ETFBKMT: variants seen among roughly 807,000 people sequenced by gnomAD.
The protein encoded by ETFBKMT is electron transfer flavoprotein beta subunit lysine methyltransferase.
Under a neutral mutation model 18.3 loss-of-function variants are expected in ETFBKMT, and 13 were observed. The ratio of observed to expected loss-of-function variants is 0.71; its 90% CI spans 0.46 to 1.13. The LOEUF (loss-of-function observed/expected upper bound fraction) is 1.13. Among genes scored for constraint, ETFBKMT ranks in the 50% most tolerant of loss-of-function variants. The pLI, the probability that ETFBKMT is intolerant of heterozygous loss-of-function variation, is 0.00. For missense variants in ETFBKMT, 293 were observed against 306.2 expected, an observed-to-expected ratio of 0.96 and a Z score of 0.32; for synonymous variants, 84 against 107.9, an observed-to-expected ratio of 0.78 and a Z score of 1.37.
intron 2 of ETFBKMT, among the ~76,000 whole-genome samples, chr12:31,663,832 C>G (rs985067738): frequency 1.3e-5 from 2 of 149,068 alleles, no homozygotes; most frequent in Non-Finnish European, 3.0e-5. Flanking sequence ...GTGCCTAAAC[C>G]GCACTTTATT....
At position 31,661,921 on chromosome 12, in the gene ETFBKMT, C is replaced by T. The variant is rs772300273; in HGVS notation, c.-33C>T. 6 of 1,598,944 alleles carry T rather than the reference C, an allele frequency of 3.8e-6. No homozygotes were observed. The highest frequency in any genetic ancestry group is 5.1e-6 in the Non-Finnish European group (6 of 1,169,944). ...TGAGAAGCAGCTATTATCAACAGAACATTGACAGAACCTGTGTTTGGGGAA... is the reference window on the plus strand; with the variant it reads ...TGAGAAGCAGCTATTATCAACAGAATATTGACAGAACCTGTGTTTGGGGAA... On this transcript the variant is annotated 5_prime_UTR_variant, in exon 2 of 4. Transcript: ENST00000357721.
At position 31,670,235 on chromosome 12, in the gene ETFBKMT, T is replaced by C. The variant is rs879103575; in HGVS notation, c.*2245T>C. The C allele has an allele frequency of 6.6e-6, 1 of 152,234 alleles. No homozygotes were observed. The highest frequency in any genetic ancestry group is 2.1e-4 in the South Asian group (1 of 4,824). The allele number at this position is 152,234 out of a possible 1,614,324, so 9.4% of individuals were successfully genotyped here. On this transcript the variant is annotated 3_prime_UTR_variant, in exon 4 of 4. Coordinates refer to ENST00000357721, the MANE Select transcript of ETFBKMT (RefSeq NM_001135863.2). ...CATAAATGTTCCTATTGGTACTGGC[T>C]CCAGCAACAGGCTTCTGCTCCCTGT...
At chr12:31,658,844 T>C (rs1260469025), upstream of ETFBKMT, among the ~76,000 whole-genome samples, 1 of 152,078 alleles carries the variant, frequency 6.6e-6, no homozygotes, top group Admixed American at 6.6e-5. Context: ...CTAGTGAATT[T>C]ATGAATTATT....
At chr12:31,665,838 T>C (rs1951186984) in intron 2 of ETFBKMT, among the ~76,000 whole-genome samples, 1 of 152,366 alleles carries the variant, frequency 6.6e-6, no homozygotes, top group East Asian at 1.9e-4. Flanking sequence ...CCCATGCTAT[T>C]GTTTGTGGTT....
intron 2 of ETFBKMT, among the ~76,000 whole-genome samples, chr12:31,665,684 CAGCA>C (rs2139628248): frequency 6.6e-6 from 1 of 152,256 alleles, no homozygotes; most frequent in Non-Finnish European, 1.5e-5. Context: ...TGTTTATTAA[CAGCA>C]AGCCAGTCAT....
chr12:31,667,986 C>G lies in ETFBKMT; in HGVS notation c.785C>G (p.Pro262Arg). Residue 262 changes from proline (P) to arginine (R), a missense_variant, in exon 4 of 4, where the codon CCT becomes CGT. Physicochemically the swap from Pro to Arg is moderately radical, Grantham distance 103. Transcript: ENST00000357721. Reference sequence around the variant, plus strand: ...ACAAGCACAGTGTGGGGTTTTCAGCCTTGAGTTGTCAAAGTGCTTCCAAGT... The same window carrying G: ...ACAAGCACAGTGTGGGGTTTTCAGCGTTGAGTTGTCAAAGTGCTTCCAAGT... ...LTTSTVWGFQ[P>R] 1 of 1,609,188 alleles carries G rather than the reference C, an allele frequency of 6.2e-7. No homozygotes were observed. Among genetic ancestry groups the G allele is most frequent in the Non-Finnish European group, 8.5e-7 (1 of 1,176,680 alleles).
chr12:31,656,651 TAA>T (rs1951064601), upstream of ETFBKMT, among the ~76,000 whole-genome samples: 1 of 152,210 alleles, frequency 6.6e-6, no homozygotes, highest in Non-Finnish European at 1.5e-5. Context: ...CAAGTCCTGC[TAA>T]TAGCTCATCC....
At chr12:31,658,992 G>C (rs1252566650), upstream of ETFBKMT, among the ~76,000 whole-genome samples, 1 of 149,790 alleles carries the variant, frequency 6.7e-6, no homozygotes, top group African/African-American at 2.5e-5. Flanking sequence ...CCGGTGCCTG[G>C]AAGTGCGACT....
In ETFBKMT at chr12:31,668,247, A is replaced by G; in HGVS notation, c.*257A>G. The G allele has an allele frequency of 2.7e-6, 1 of 375,770 alleles. No individual in the cohort carries two copies. Among genetic ancestry groups the G allele is most frequent in the Non-Finnish European group, 4.8e-6 (1 of 209,978 alleles). The allele number at this position is 375,770 out of a possible 1,614,324, so 23.3% of individuals were successfully genotyped here. ...ACCGCTGAAGGAATATGATTATACA[A>G]TGCCATACTCAATGGTGGCAGCATT... On this transcript the variant is annotated 3_prime_UTR_variant, in exon 4 of 4. Coordinates refer to ENST00000357721, the MANE Select transcript of ETFBKMT (RefSeq NM_001135863.2).
Position 31,672,437 on chromosome 12 carries a change from C to CCAGTTAGACATGAGGA in ETFBKMT, c.*4447_*4448insCAGTTAGACATGAGGA. ...CAATAAAAAATGTTTAATGTTTCCT[C>CCAGTTAGACATGAGGA]ATGTCTAACTGGAGGTGATGTTAAT... On this transcript the variant is annotated 3_prime_UTR_variant, in exon 4 of 4. Coordinates refer to ENST00000357721, the MANE Select transcript of ETFBKMT (RefSeq NM_001135863.2). 1 of 1,178,560 alleles carries CCAGTTAGACATGAGGA rather than the reference C, an allele frequency of 8.5e-7. No individual in the cohort carries two copies. The highest frequency in any genetic ancestry group is 1.2e-6 in the Non-Finnish European group (1 of 809,080). The allele number at this position is 1,178,560 out of a possible 1,614,324, so 73.0% of individuals were successfully genotyped here. A position where few individuals can be genotyped will look rare whatever the true frequency, so the allele number is the denominator to read the frequency against.
chr12:31,662,126 C>T lies in ETFBKMT; in HGVS notation c.173C>T (p.Thr58Ile). The T allele has an allele frequency of 6.2e-7, 1 of 1,614,218 alleles. No individual in the cohort carries two copies. Among genetic ancestry groups the T allele is most frequent in the Non-Finnish European group, 8.5e-7 (1 of 1,180,038 alleles). Reference sequence around the variant, plus strand: ...TTCCTGGAGGAGAACACTGAAGTCACCAGCAGTGGTAGCCTCACCCCTGAA... The same window carrying T: ...TTCCTGGAGGAGAACACTGAAGTCATCAGCAGTGGTAGCCTCACCCCTGAA... ...KAFLEENTEV[T>I]SSGSLTPEIQ... Residue 58 changes from threonine to isoleucine, a missense_variant, in exon 2 of 4, where the codon ACC becomes ATC. Transcript: ENST00000357721.
chr12:31,650,383 T>C (rs956578077), intron 1 of ETFBKMT, among the ~76,000 whole-genome samples: 4 of 152,170 alleles, frequency 2.6e-5, no homozygotes, highest in African/African-American at 9.7e-5. Flanking sequence ...AATCCACCCG[T>C]TGTTTAGCAT....
upstream of ETFBKMT, among the ~76,000 whole-genome samples, chr12:31,654,372 T>A (rs1364160582): frequency 2.6e-5 from 4 of 152,142 alleles, no homozygotes; most frequent in Non-Finnish European, 5.9e-5. Context: ...TTAGAAAAAG[T>A]TTGCAGTTAA....
chr12:31,652,928 G>A (rs1173647710), intron 1 of ETFBKMT, among the ~76,000 whole-genome samples: 4 of 152,228 alleles, frequency 2.6e-5, no homozygotes, highest in African/African-American at 4.8e-5. Flanking sequence ...AATGTGCCAG[G>A]CCGGTCGCGG....
Position 31,670,837 on chromosome 12 carries a change from C to T in ETFBKMT, c.*2847C>T, listed in dbSNP as rs7309916. 0.68 allele frequency: 103,002 copies of T among 151,970 alleles called. 35,713 individuals carry two copies. Among genetic ancestry groups the T allele is most frequent in the East Asian group, 0.86 (4,451 of 5,182 alleles). The allele number at this position is 151,970 out of a possible 1,614,324, so 9.4% of individuals were successfully genotyped here. On this transcript the variant is annotated 3_prime_UTR_variant, in exon 4 of 4. Transcript: ENST00000357721. ...CAGCAATGAAAAAAAAAGATAAATA[C>T]TTTGTCCTTATGAAATTTGTATTCT...
chr12:31,668,125 G>T lies in ETFBKMT; in HGVS notation c.*135G>T, dbSNP rs1348505303. 4.0e-6 allele frequency: 3 copies of T among 743,024 alleles called. No individual in the cohort carries two copies. Among genetic ancestry groups the T allele is most frequent in the African/African-American group, 3.6e-5 (2 of 56,206 alleles). 46.0% of individuals were successfully genotyped at this position (743,024 alleles called of 1,614,324 possible). On this transcript the variant is annotated 3_prime_UTR_variant, in exon 4 of 4. Coordinates refer to ENST00000357721, the MANE Select transcript of ETFBKMT (RefSeq NM_001135863.2). ...GAAAATCTTGTTTTTAAAATATGAA[G>T]GTTTAGAGTTTTGTTTACTTTTGTC...
At chr12:31,656,158 A>G (rs1951060336), upstream of ETFBKMT, among the ~76,000 whole-genome samples, 1 of 152,148 alleles carries the variant, frequency 6.6e-6, no homozygotes, top group Non-Finnish European at 1.5e-5. Flanking sequence ...GTTCTGCTTG[A>G]TATGCTTGTT....
chr12:31,666,258 T>TC (rs1565751466), intron 3 of ETFBKMT, 41 bp downstream of exon 3: 1 of 1,581,056 alleles, frequency 6.3e-7, no homozygotes, highest in Admixed American at 1.9e-5. Context: ...CTCATCTTTT[T>TC]TTTTTCTCTG....
At chr12:31,651,307 C>T (rs1592131321) in intron 1 of ETFBKMT, among the ~76,000 whole-genome samples, 2 of 144,618 alleles carry the variant, frequency 1.4e-5, no homozygotes, top group Admixed American at 1.4e-4. Context: ...GATGCCTTCC[C>T]TTTTTTTTTT....
Sources: gnomAD v4.1 joint callset for allele counts (sites outside exome capture counted in the v4.1 genomes callset) on GRCh38, gnomAD v4.1.1 for gene constraint, MANE v1.5 for transcripts, NCBI Gene and HGNC (gene_info 2026-07-23, HGNC 2026-07-21) for gene names.